The following NDRG3 variants were observed in gnomAD, a reference collection of about 807,000 sequenced individuals.
NDRG3 encodes the protein protein NDRG3.
A neutral mutation model predicts 57.2 loss-of-function variants in NDRG3; 23 were observed. The observed-to-expected ratio is 0.40, with a 90% CI of 0.29 to 0.57. The LOEUF (loss-of-function observed/expected upper bound fraction) is 0.57. NDRG3 is among the 20% of genes least tolerant of loss of function. The probability of loss-of-function intolerance (pLI) is 0.42; values close to 1 mark genes in which losing one functional copy is unlikely to be tolerated. For synonymous variants in NDRG3, 132 were observed against 162.6 expected, an observed-to-expected ratio of 0.81 and a Z score of 1.43; for missense variants, 384 against 457.3, an observed-to-expected ratio of 0.84 and a Z score of 1.46.
At chr20:36,704,184 C>T (rs1236473669) in intron 3 of NDRG3, among the ~76,000 whole-genome samples, 2 of 152,134 alleles carry the variant, frequency 1.3e-5, no homozygotes, top group South Asian at 2.1e-4. Flanking sequence ...TCAAGCAATT[C>T]TCCTGCCTCA....
At chr20:36,727,608 C>G (rs964785266) in intron 1 of NDRG3, among the ~76,000 whole-genome samples, 19 of 150,726 alleles carry the variant, frequency 1.3e-4, no homozygotes, top group Non-Finnish European at 2.7e-4. Flanking sequence ...AGTGGCACAT[C>G]TCAGCTCACT....
At chr20:36,658,488 A>G (rs1436209956) in intron 13 of NDRG3, among the ~76,000 whole-genome samples, 5 of 152,244 alleles carry the variant, frequency 3.3e-5, no homozygotes, top group Admixed American at 3.3e-4. Flanking sequence ...ACCTCAGAGC[A>G]TTAACTTCAC....
At chr20:36,704,765 C>T (rs1374277110) in intron 3 of NDRG3, among the ~76,000 whole-genome samples, 11 of 152,196 alleles carry the variant, frequency 7.2e-5, no homozygotes, top group Non-Finnish European at 1.5e-5. Context: ...ATAGTTATTA[C>T]AAACGAGTTT....
intron 2 of NDRG3, among the ~76,000 whole-genome samples, chr20:36,715,004 G>A (rs201522381): frequency 0.013 from 431 of 32,230 alleles, no homozygotes; most frequent in East Asian, 0.026. Flanking sequence ...GTGTGTGTGT[G>A]TGTATATATA....
chr20:36,666,296 A>G lies in NDRG3; in HGVS notation c.685T>C (p.Tyr229His), dbSNP rs1979627513. 1 of 1,612,050 alleles carries G rather than the reference A, an allele frequency of 6.2e-7. No individual in the cohort carries two copies. The highest frequency in any genetic ancestry group is 1.3e-5 in the African/African-American group (1 of 75,010). The stretch of plus-strand genomic sequence containing the variant: ...AACAGGAAAAAACTATACCCATTGT[A>G]GGAATTCAAGAAGAGCTGCAGGTTG... ...QDNLQLFLNS[Y>H]NGRRDLEIER... The change falls in exon 10 of 16, where the codon TAC (tyrosine) becomes CAC (histidine). Residue 229 changes from tyrosine (Y) to histidine (H), a missense_variant. Coordinates refer to ENST00000349004, the MANE Select transcript of NDRG3 (RefSeq NM_032013.4).
At chr20:36,664,475 A>T (rs1289545948) in intron 12 of NDRG3, among the ~76,000 whole-genome samples, 1 of 152,224 alleles carries the variant, frequency 6.6e-6, no homozygotes, top group African/African-American at 2.4e-5. Context: ...AGGCTGTCAG[A>T]AATCTGACAA....
intron 1 of NDRG3, among the ~76,000 whole-genome samples, chr20:36,745,367 A>T (rs1302561507): frequency 1.3e-5 from 2 of 152,138 alleles, no homozygotes; most frequent in African/African-American, 4.8e-5. Context: ...TTCAGAGATG[A>T]CAAGTGATTT....
chr20:36,681,485 A>G (rs1981286401), intron 7 of NDRG3, among the ~76,000 whole-genome samples: 1 of 151,472 alleles, frequency 6.6e-6, no homozygotes, highest in Admixed American at 6.6e-5. Context: ...AAAATGCAAA[A>G]ATTAGCTGGG....
In NDRG3 at chr20:36,737,204, C is replaced by T. The variant is rs539265815; in HGVS notation, c.-49+8841G>A. Among the ~76,000 whole-genome samples the T allele has an allele frequency of 1.4e-4, 22 of 152,228 alleles. No homozygotes were observed. In the South Asian group the frequency reaches 3.3e-3, roughly 23 times the overall value. On this transcript the variant is annotated intron_variant, in intron 1 of 15. Transcript: ENST00000349004. ...CTTCTTGTTAATCCCAGACACCCAT[C>T]GGCCAGCGGAAGTTTTAACACAGGA...
At chr20:36,689,380 G>A (rs1451424396) in intron 3 of NDRG3, among the ~76,000 whole-genome samples, 1 of 152,112 alleles carries the variant, frequency 6.6e-6, no homozygotes, top group Non-Finnish European at 1.5e-5. Context: ...AAGGAAATCA[G>A]CAAATTGGGT....
chr20:36,656,066 G>A (rs1304522352), intron 15 of NDRG3, among the ~76,000 whole-genome samples: 1 of 150,484 alleles, frequency 6.6e-6, no homozygotes, highest in Non-Finnish European at 1.5e-5. Flanking sequence ...CCCAGGAGGC[G>A]GAGGTTGCAG....
At chr20:36,725,500 G>C (rs1984871633) in intron 1 of NDRG3, among the ~76,000 whole-genome samples, 1 of 151,102 alleles carries the variant, frequency 6.6e-6, no homozygotes, top group Non-Finnish European at 1.5e-5. Context: ...TACTCGGGAG[G>C]CTGAGGCAGG....
intron 1 of NDRG3, among the ~76,000 whole-genome samples, chr20:36,728,693 C>T (rs1204730080): frequency 2.0e-5 from 3 of 152,058 alleles, no homozygotes; most frequent in Non-Finnish European, 4.4e-5. Flanking sequence ...ATCTGAAACA[C>T]ATCTGGTTCA....
intron 3 of NDRG3, chr20:36,700,308 A>C: frequency 3.0e-6 from 1 of 334,328 alleles, no homozygotes. Flanking sequence ...CAAGAGTCCT[A>C]GGCCCTGATC....
chr20:36,710,638 C>T (rs1983811399), intron 2 of NDRG3, among the ~76,000 whole-genome samples: 1 of 151,984 alleles, frequency 6.6e-6, no homozygotes, highest in African/African-American at 2.4e-5. Flanking sequence ...GAAACACTGT[C>T]TCTACTAAAA....
chr20:36,691,995 A>C (rs1982301967), intron 3 of NDRG3, among the ~76,000 whole-genome samples: 1 of 152,216 alleles, frequency 6.6e-6, no homozygotes. Flanking sequence ...AAACAAATCC[A>C]CCTGTAATAA....
intron 3 of NDRG3, among the ~76,000 whole-genome samples, chr20:36,699,666 A>C (rs1293127696): frequency 6.6e-6 from 1 of 151,808 alleles, no homozygotes. Flanking sequence ...AACTGATGGT[A>C]ACTGGTGGTG....
At chr20:36,702,180 A>G (rs1428697640) in intron 3 of NDRG3, among the ~76,000 whole-genome samples, 1 of 152,044 alleles carries the variant, frequency 6.6e-6, no homozygotes, top group Non-Finnish European at 1.5e-5. Flanking sequence ...TCTGTGGCCC[A>G]GGCTGGAGTG....
chr20:36,742,447 C>A (rs1985968067), intron 1 of NDRG3, among the ~76,000 whole-genome samples: 1 of 152,178 alleles, frequency 6.6e-6, no homozygotes, highest in Admixed American at 6.5e-5. Flanking sequence ...CCCCCCGCCA[C>A]CTTTCTTTCT....
Sources: gnomAD v4.1 joint callset for allele counts (sites outside exome capture counted in the v4.1 genomes callset) on GRCh38, gnomAD v4.1.1 for gene constraint, MANE v1.5 for transcripts, NCBI Gene and HGNC (gene_info 2026-07-23, HGNC 2026-07-21) for gene names.